Variants in RIN2 observed in about 807,000 individuals in gnomAD.
The protein encoded by RIN2 is RAB5 interacting protein 2.
A neutral mutation model predicts 78.0 loss-of-function variants in RIN2; 36 were observed. The observed-to-expected ratio is 0.46, with a 90% confidence interval of 0.35 to 0.61. The LOEUF is 0.61. RIN2 is among the 20% of genes least tolerant of loss of function. The probability of loss-of-function intolerance (pLI) is 0.00; values close to 1 mark genes in which losing one functional copy is unlikely to be tolerated. For missense variants in RIN2, 1,087 were observed against 1,159.7 expected (o/e 0.94, Z 0.91); for synonymous variants, 466 against 466.8 (o/e 1.00, Z 0.02).
intron 2 of RIN2, among the ~76,000 whole-genome samples, chr20:19,865,328 A>G (rs879411432): frequency 1.3e-5 from 2 of 152,250 alleles, no homozygotes; most frequent in South Asian, 2.1e-4. Context: ...CACTCAGGCC[A>G]CTGGGTAAAT....
intron 3 of RIN2, among the ~76,000 whole-genome samples, chr20:19,897,974 A>T (rs1027006753): frequency 6.6e-6 from 1 of 152,138 alleles, no homozygotes; most frequent in Non-Finnish European, 1.5e-5. Flanking sequence ...TCAGCCTCCC[A>T]AAGTGCTGGG....
intron 2 of RIN2, among the ~76,000 whole-genome samples, chr20:19,879,436 T>A (rs1251692506): frequency 6.6e-6 from 1 of 152,240 alleles, no homozygotes; most frequent in Non-Finnish European, 1.5e-5. Context: ...TGTCATGGTA[T>A]GTTGTTATTT....
At chr20:19,961,007 T>G (rs1194442759) in intron 6 of RIN2, among the ~76,000 whole-genome samples, 196 bp downstream of exon 6, 1 of 152,162 alleles carries the variant, frequency 6.6e-6, no homozygotes, top group Non-Finnish European at 1.5e-5. Context: ...ACCTCTGAGA[T>G]GTTAATGAGT....
intron 9 of RIN2, among the ~76,000 whole-genome samples, chr20:19,977,195 G>A (rs796538087): frequency 2.0e-5 from 3 of 152,138 alleles, no homozygotes; most frequent in Non-Finnish European, 4.4e-5. Context: ...GGGGTCAGAG[G>A]GGGGTGCAGC....
intron 2 of RIN2, among the ~76,000 whole-genome samples, chr20:19,854,260 C>T (rs2037089295): frequency 6.6e-6 from 1 of 152,210 alleles, no homozygotes; most frequent in Non-Finnish European, 1.5e-5. Flanking sequence ...GGTACCAGTA[C>T]CATGCTGTTT....
intron 2 of RIN2, among the ~76,000 whole-genome samples, chr20:19,836,621 A>T (rs1041404158): frequency 3.9e-5 from 6 of 152,052 alleles, no homozygotes; most frequent in African/African-American, 7.2e-5. Context: ...CTCTCCATTT[A>T]TCTAAATCTT....
At chr20:19,768,269 A>C (rs1476442978) in intron 1 of RIN2, among the ~76,000 whole-genome samples, 1 of 152,242 alleles carries the variant, frequency 6.6e-6, no homozygotes, top group East Asian at 1.9e-4. Context: ...AAATGGATGA[A>C]GAAATATTCA....
intron 2 of RIN2, among the ~76,000 whole-genome samples, chr20:19,805,297 C>T (rs1222695700): frequency 6.6e-6 from 1 of 152,174 alleles, no homozygotes; most frequent in African/African-American, 2.4e-5. Context: ...ACTGTGGGCA[C>T]CAGGGCTCAA....
chr20:19,822,354 G>T (rs920895512), intron 2 of RIN2, among the ~76,000 whole-genome samples: 1 of 152,148 alleles, frequency 6.6e-6, no homozygotes, highest in African/African-American at 2.4e-5. Context: ...TAGTATAGAT[G>T]AATCCAAAGA....
intron 2 of RIN2, among the ~76,000 whole-genome samples, chr20:19,865,499 T>G (rs1166628212): frequency 4.7e-5 from 6 of 126,366 alleles, no homozygotes; most frequent in African/African-American, 1.6e-4. Flanking sequence ...TTTTTTTTTT[T>G]TTTTGGCAAC....
chr20:19,856,397 G>A (rs2037166889), intron 2 of RIN2, among the ~76,000 whole-genome samples: 1 of 152,068 alleles, frequency 6.6e-6, no homozygotes, highest in African/African-American at 2.4e-5. Flanking sequence ...GTTGGGCATG[G>A]TGACATTTGC....
intron 1 of RIN2, among the ~76,000 whole-genome samples, chr20:19,766,913 G>GAAAA (rs749280521): frequency 9.2e-6 from 1 of 109,042 alleles, no homozygotes; most frequent in African/African-American, 3.3e-5. Flanking sequence ...CTCCATCTCA[G>GAAAA]AAAAAAAAAA....
chr20:19,855,326 A>G (rs1568819609), intron 2 of RIN2, among the ~76,000 whole-genome samples: 1 of 152,104 alleles, frequency 6.6e-6, no homozygotes, highest in Non-Finnish European at 1.5e-5. Context: ...CATCAGGGAT[A>G]TTTGTCTAAA....
intron 3 of RIN2, among the ~76,000 whole-genome samples, chr20:19,902,459 C>T (rs976917694): frequency 6.6e-6 from 1 of 152,162 alleles, no homozygotes; most frequent in Non-Finnish European, 1.5e-5. Context: ...TACCTCTTTC[C>T]GATGGCCATC....
chr20:19,822,967 TAATAATA>T (rs990041812), intron 2 of RIN2, among the ~76,000 whole-genome samples: 2 of 88,072 alleles, frequency 2.3e-5, no homozygotes, highest in South Asian at 3.8e-4. Context: ...TAATAATTTC[TAATAATA>T]AATAATCACT....
At chr20:19,829,317 T>C (rs1292980318) in intron 2 of RIN2, among the ~76,000 whole-genome samples, 3 of 151,964 alleles carry the variant, frequency 2.0e-5, no homozygotes, top group South Asian at 2.1e-4. Flanking sequence ...TATTAATTTG[T>C]AGGACTTTGG....
Position 20,001,132 on chromosome 20 carries a change from A to G in RIN2, c.*196A>G, listed in dbSNP as rs1047415427. The G allele has an allele frequency of 9.9e-5, 56 of 567,996 alleles. No individual in the cohort carries two copies. Among genetic ancestry groups the G allele is most frequent in the Non-Finnish European group, 7.2e-5 (23 of 320,236 alleles). 35.2% of individuals were successfully genotyped at this position (567,996 alleles called of 1,614,324 possible). On this transcript the variant is annotated 3_prime_UTR_variant, in exon 13 of 13. Transcript: ENST00000255006. Reference sequence around the variant, plus strand: ...TAGCTGAGGTTTGTGAAACAGTAGGATTCTCTTTTGGCAATGGAGAATTGC... The same window carrying G: ...TAGCTGAGGTTTGTGAAACAGTAGGGTTCTCTTTTGGCAATGGAGAATTGC...
intron 3 of RIN2, among the ~76,000 whole-genome samples, chr20:19,926,305 T>C (rs1476277535): frequency 6.6e-6 from 1 of 152,138 alleles, no homozygotes; most frequent in African/African-American, 2.4e-5. Flanking sequence ...AAAATATAAA[T>C]GCAAACACCC....
At chr20:19,992,330 T>G in intron 11 of RIN2, 31 bp downstream of exon 11, 1 of 1,525,676 alleles carries the variant, frequency 6.6e-7, no homozygotes, top group Non-Finnish European at 8.8e-7. Flanking sequence ...TTGAAGGAAC[T>G]GGGTGCTATT....
Sources: gnomAD v4.1 joint callset for allele counts (sites outside exome capture counted in the v4.1 genomes callset) on GRCh38, gnomAD v4.1.1 for gene constraint, MANE v1.5 for transcripts, NCBI Gene and HGNC (gene_info 2026-07-23, HGNC 2026-07-21) for gene names.